The following DLG2 variants were observed in gnomAD, a reference collection of about 807,000 sequenced individuals.
The protein encoded by DLG2 is discs large MAGUK scaffold protein 2, also known as disks large homolog 2.
DLG2 carries 45 observed loss-of-function variants against 132.5 expected under a neutral mutation model. The ratio of observed to expected loss-of-function variants is 0.34; its 90% CI spans 0.27 to 0.44. The LOEUF (loss-of-function observed/expected upper bound fraction) is 0.44. Among genes scored for constraint, DLG2 ranks in the 20% least tolerant of loss-of-function variants. The probability of loss-of-function intolerance (pLI) is 1.00; values close to 1 mark genes in which losing one functional copy is unlikely to be tolerated. For missense variants in DLG2, 1,045 were observed against 1,196.9 expected, an observed-to-expected ratio of 0.87 and a Z score of 1.87; for synonymous variants, 424 against 419.6, an observed-to-expected ratio of 1.01 and a Z score of -0.13.
chr11:85,039,576 A>G (rs2061680251), intron 6 of DLG2, among the ~76,000 whole-genome samples: 1 of 151,986 alleles, frequency 6.6e-6, no homozygotes, highest in Non-Finnish European at 1.5e-5. Context: ...TAAATAAGTC[A>G]TATACATAAT....
chr11:84,683,678 C>T (rs140765777), intron 6 of DLG2, among the ~76,000 whole-genome samples: 2 of 152,270 alleles, frequency 1.3e-5, no homozygotes, highest in African/African-American at 4.8e-5. Flanking sequence ...GCTGAAGTCG[C>T]AGCACCATGC....
chr11:83,908,952 T>C, intron 15 of DLG2, among the ~76,000 whole-genome samples: 1 of 152,126 alleles, frequency 6.6e-6, no homozygotes, highest in Non-Finnish European at 1.5e-5. Context: ...CAGGCTATTC[T>C]TGAACTCCTA....
intron 18 of DLG2, among the ~76,000 whole-genome samples, chr11:83,637,439 A>G (rs953184873): frequency 3.3e-5 from 5 of 152,176 alleles, no homozygotes; most frequent in Non-Finnish European, 7.4e-5. Flanking sequence ...TTAAAAATAC[A>G]TTATTTTTCC....
intron 7 of DLG2, among the ~76,000 whole-genome samples, chr11:84,363,464 T>G (rs2098663014): frequency 6.6e-6 from 1 of 152,186 alleles, no homozygotes; most frequent in South Asian, 2.1e-4. Context: ...CTGGGTTTCC[T>G]GTTCACTCTG....
At chr11:85,135,020 C>G (rs572611253) in intron 5 of DLG2, among the ~76,000 whole-genome samples, 82 of 152,278 alleles carry the variant, frequency 5.4e-4, no homozygotes, top group African/African-American at 1.7e-3. Context: ...ACCAGTTTGT[C>G]TATTCACCCT....
chr11:85,610,610 G>A (rs2080924371), intron 2 of DLG2, among the ~76,000 whole-genome samples: 1 of 152,166 alleles, frequency 6.6e-6, no homozygotes, highest in Admixed American at 6.5e-5. Context: ...CAGGCACTCT[G>A]GCCCTTCAGT....
chr11:85,201,723 A>C (rs1012143223), intron 4 of DLG2, among the ~76,000 whole-genome samples: 3 of 152,224 alleles, frequency 2.0e-5, no homozygotes, highest in Non-Finnish European at 4.4e-5. Flanking sequence ...ATTCAGGGAA[A>C]TATTACCTCA....
intron 6 of DLG2, among the ~76,000 whole-genome samples, chr11:85,064,890 TTC>T (rs879539026): frequency 7.2e-4 from 108 of 150,648 alleles, no homozygotes; most frequent in African/African-American, 2.4e-3. Flanking sequence ...CTCTCTCTCT[TTC>T]TCTCTCTCTC....
intron 6 of DLG2, among the ~76,000 whole-genome samples, chr11:85,006,648 C>CTAT (rs554914442): frequency 2.6e-5 from 4 of 152,070 alleles, no homozygotes; most frequent in Admixed American, 2.6e-4. Flanking sequence ...AGCGGTCTAT[C>CTAT]TATTATGTTG....
At chr11:85,439,898 A>T (rs572983361) in intron 3 of DLG2, among the ~76,000 whole-genome samples, 1 of 152,186 alleles carries the variant, frequency 6.6e-6, no homozygotes, top group Non-Finnish European at 1.5e-5. Flanking sequence ...AATATAAAGT[A>T]TAGATTAGTG....
chr11:85,092,186 C>T (rs2068896991), intron 6 of DLG2, among the ~76,000 whole-genome samples: 1 of 152,118 alleles, frequency 6.6e-6, no homozygotes, highest in Non-Finnish European at 1.5e-5. Context: ...TGATTAGGTG[C>T]TTTATCAATA....
chr11:85,263,905 A>T (rs2077071240), intron 4 of DLG2, among the ~76,000 whole-genome samples: 1 of 152,202 alleles, frequency 6.6e-6, no homozygotes, highest in Non-Finnish European at 1.5e-5. Context: ...AAGCAAGTTT[A>T]TTAGAGAGAA....
At chr11:84,086,228 G>C (rs547777541) in intron 10 of DLG2, among the ~76,000 whole-genome samples, 1 of 152,168 alleles carries the variant, frequency 6.6e-6, no homozygotes, top group African/African-American at 2.4e-5. Context: ...ATCTTTAAAT[G>C]AACAACAATA....
intron 6 of DLG2, among the ~76,000 whole-genome samples, chr11:84,619,823 C>CA (rs1376344025): frequency 1.3e-5 from 2 of 151,178 alleles, no homozygotes; most frequent in Non-Finnish European, 3.0e-5. Flanking sequence ...TAAATAAATG[C>CA]AAAAATAGTC....
intron 9 of DLG2, among the ~76,000 whole-genome samples, chr11:84,110,793 A>G (rs536820202): frequency 6.6e-6 from 1 of 152,290 alleles, no homozygotes; most frequent in South Asian, 2.1e-4. Context: ...TGCTCCCTGT[A>G]GTTGGCAGTC....
chr11:83,711,571 CTAA>C (rs1165422969), intron 18 of DLG2, among the ~76,000 whole-genome samples: 2 of 152,178 alleles, frequency 1.3e-5, no homozygotes. Flanking sequence ...CTCAGGCTGA[CTAA>C]TATCTATGTG....
At chr11:84,673,259 A>G (rs1158359631) in intron 6 of DLG2, among the ~76,000 whole-genome samples, 2 of 152,130 alleles carry the variant, frequency 1.3e-5, no homozygotes, top group African/African-American at 2.4e-5. Context: ...TGTATTTTAC[A>G]TAAGAGAGAA....
At position 85,005,651 on chromosome 11, in the gene DLG2, T is replaced by A. The variant is rs574620492; in HGVS notation, c.357+106010A>T. On this transcript the variant is annotated intron_variant, in intron 6 of 27. Transcript: ENST00000376104. ...GACTGAGGTGACGGGGTTTTCTAAA[T>A]ATATAATCATGTCATCTGCAAACAG... Among the ~76,000 whole-genome samples, 3 of 152,330 alleles carry A rather than the reference T, an allele frequency of 2.0e-5. No homozygotes were observed. The East Asian group carries it at 5.8e-4, about 29-fold the overall frequency.
At chr11:84,521,564 T>C (rs1488738920) in intron 7 of DLG2, among the ~76,000 whole-genome samples, 1 of 152,242 alleles carries the variant, frequency 6.6e-6, no homozygotes, top group African/African-American at 2.4e-5. Context: ...GATATTGCGT[T>C]ATCTGATTAT....
Sources: gnomAD v4.1 joint callset for allele counts (sites outside exome capture counted in the v4.1 genomes callset) on GRCh38, gnomAD v4.1.1 for gene constraint, MANE v1.5 for transcripts, NCBI Gene and HGNC (gene_info 2026-07-23, HGNC 2026-07-21) for gene names.